Variants in TRRAP observed in about 807,000 individuals in gnomAD.
TRRAP encodes the protein transformation/transcription domain associated protein.
In TRRAP, 41 loss-of-function variants were observed where a neutral mutation model predicts 438.8. The observed-to-expected ratio is 0.09, with a 90% CI of 0.07 to 0.12. The LOEUF is 0.12. Among genes scored for constraint, TRRAP ranks in the 10% least tolerant of loss-of-function variants. The pLI, the probability that TRRAP is intolerant of heterozygous loss-of-function variation, is 1.00. For synonymous variants in TRRAP, 1,994 were observed against 1,962.9 expected, an observed-to-expected ratio of 1.02 and a Z score of -0.42; for missense variants, 3,122 against 5,055.1, an observed-to-expected ratio of 0.62 and a Z score of 11.60.
At chr7:98,918,992 A>G in intron 20 of TRRAP, among the ~76,000 whole-genome samples, 1 of 151,876 alleles carries the variant, frequency 6.6e-6, no homozygotes. Flanking sequence ...CTCAAAAAAA[A>G]AAAAAAAAGA....
chr7:98,974,215 G>A (rs941566148), intron 53 of TRRAP, among the ~76,000 whole-genome samples: 2 of 152,174 alleles, frequency 1.3e-5, no homozygotes, highest in African/African-American at 2.4e-5. Flanking sequence ...TTCATCTTCT[G>A]TGTATTTATG....
intron 45 of TRRAP, among the ~76,000 whole-genome samples, chr7:98,960,832 G>C (rs990671421): frequency 3.3e-5 from 5 of 151,786 alleles, no homozygotes; most frequent in African/African-American, 4.8e-5. Context: ...GACCAGGCCA[G>C]CCTCAAATTC....
chr7:98,943,064 G>T, intron 31 of TRRAP, 47 bp downstream of exon 31: 1 of 1,605,148 alleles, frequency 6.2e-7, no homozygotes, highest in Non-Finnish European at 8.5e-7. Flanking sequence ...CGCCATGCTG[G>T]GTCAGTGCTA....
chr7:98,930,873 A>G, intron 25 of TRRAP, 43 bp downstream of exon 25: 1 of 1,610,832 alleles, frequency 6.2e-7, no homozygotes, highest in Non-Finnish European at 8.5e-7. Context: ...CTGTTTTTGA[A>G]ATGGTGGTTT....
intron 13 of TRRAP, among the ~76,000 whole-genome samples, chr7:98,907,078 C>CT (rs1267523393): frequency 1.3e-5 from 2 of 150,846 alleles, no homozygotes; most frequent in African/African-American, 4.9e-5. Context: ...AATCCCAGCA[C>CT]TTTGGGAGGC....
chr7:98,895,926 A>G, intron 7 of TRRAP, 106 bp downstream of exon 7: 1 of 814,834 alleles, frequency 1.2e-6, no homozygotes, highest in Non-Finnish European at 1.8e-6. Context: ...GGGAGGGTTT[A>G]CTATTTTAGA....
intron 53 of TRRAP, among the ~76,000 whole-genome samples, chr7:98,973,059 A>G (rs1792489772): frequency 6.6e-6 from 1 of 152,108 alleles, no homozygotes; most frequent in Non-Finnish European, 1.5e-5. Context: ...GGCTCACAGC[A>G]ACCTCCATCT....
intron 21 of TRRAP, among the ~76,000 whole-genome samples, chr7:98,922,820 G>T (rs1789861261): frequency 1.3e-5 from 2 of 151,670 alleles, no homozygotes; most frequent in South Asian, 4.2e-4. Context: ...CCCTCCCTTT[G>T]CTCTGGCTAA....
intron 67 of TRRAP, chr7:98,999,732 G>T: frequency 1.4e-6 from 1 of 710,566 alleles, no homozygotes. Flanking sequence ...GAAAGCAAAT[G>T]GTATATTCAA....
chr7:98,944,899 G>T (rs1790974892), intron 31 of TRRAP, among the ~76,000 whole-genome samples: 1 of 152,098 alleles, frequency 6.6e-6, no homozygotes, highest in Non-Finnish European at 1.5e-5. Context: ...CCACCTCCTG[G>T]GTTCAAGCTA....
At chr7:98,881,061 A>G in intron 1 of TRRAP, 29 bp from the exon 2 acceptor site, 2 of 1,089,282 alleles carry the variant, frequency 1.8e-6, no homozygotes, top group Non-Finnish European at 2.6e-6. Flanking sequence ...CCCTCCATAA[A>G]TTGACTAACT....
rs1038665845 is a variant in TRRAP, at chr7:98,927,454, T to C, written c.3175+88T>C. 19 of 1,475,124 alleles carry C rather than the reference T, an allele frequency of 1.3e-5. No individual in the cohort carries two copies. The African/African-American group carries it at 2.4e-4, about 19-fold the overall frequency. The allele number at this position is 1,475,124 out of a possible 1,614,324, so 91.4% of individuals were successfully genotyped here. A position where few individuals can be genotyped will look rare whatever the true frequency, so the allele number is the denominator to read the frequency against. ...ACTTGCTCAGGACATTTTGTTGTTCTAGAAAAAGCTGAGTTTGGCTGATTG... is the reference window on the plus strand; with the variant it reads ...ACTTGCTCAGGACATTTTGTTGTTCCAGAAAAAGCTGAGTTTGGCTGATTG... On this transcript the variant is annotated intron_variant, in intron 23 of 72. Transcript: ENST00000456197.
intron 22 of TRRAP, 150 bp from the exon 23 acceptor site, chr7:98,927,017 C>G (rs555163072): frequency 1.0e-4 from 89 of 850,506 alleles, no homozygotes; most frequent in Admixed American, 8.6e-4. Flanking sequence ...AGACTCCATC[C>G]AGGTGTTGCT....
chr7:98,974,522 C>A (rs1253236220), intron 53 of TRRAP, among the ~76,000 whole-genome samples: 1 of 152,176 alleles, frequency 6.6e-6, no homozygotes, highest in Non-Finnish European at 1.5e-5. Flanking sequence ...GGGGTCCTCA[C>A]CCCTGCACCT....
At chr7:98,909,815 A>G (rs1796981242) in intron 14 of TRRAP, among the ~76,000 whole-genome samples, 2 of 152,132 alleles carry the variant, frequency 1.3e-5, no homozygotes, top group Admixed American at 6.5e-5. Context: ...ACGTGGCACA[A>G]AGGAGGTGCC....
Position 98,976,343 on chromosome 7 carries a change from G to A in TRRAP, c.7959+75G>A, listed in dbSNP as rs756601866. Reference sequence around the variant, plus strand: ...TGGTAAGTATTCATAAAAGAACACAGTCTCGAACAAGTTTCAGAAAATGAG... The same window carrying A: ...TGGTAAGTATTCATAAAAGAACACAATCTCGAACAAGTTTCAGAAAATGAG... On this transcript the variant is annotated intron_variant, in intron 54 of 72. Transcript: ENST00000456197. The surrounding 1 kb of genome is among the most constrained non-coding windows in gnomAD (Gnocchi z 4.6). 17 of 1,587,844 alleles carry A rather than the reference G, an allele frequency of 1.1e-5. No individual in the cohort carries two copies. The highest frequency in any genetic ancestry group is 1.4e-5 in the Non-Finnish European group (16 of 1,167,958).
chr7:98,932,138 C>T (rs1462983202), intron 26 of TRRAP, among the ~76,000 whole-genome samples: 1 of 151,492 alleles, frequency 6.6e-6, no homozygotes, highest in Non-Finnish European at 1.5e-5. Context: ...TATTTTGAGA[C>T]AGAGTCTCGC....
At chr7:98,962,486 A>T in intron 47 of TRRAP, 59 bp downstream of exon 47, 1 of 1,609,832 alleles carries the variant, frequency 6.2e-7, no homozygotes, top group Non-Finnish European at 8.5e-7. Context: ...TTCCCCGCTC[A>T]CTGGACGTGC....
In TRRAP at chr7:98,925,138, G is replaced by A; in HGVS notation, c.2850G>A (p.Leu950=). Reference sequence around the variant, plus strand: ...CCATTGAAACTGCTCTGGACTGCCTGAAAAGCGCCAACACTGAGCCCTACT... The same window carrying A: ...CCATTGAAACTGCTCTGGACTGCCTAAAAAGCGCCAACACTGAGCCCTACT... ...EKAIETALDC[L]KSANTEPYYR... is the part of the protein sequence containing the mutation. Residue 950 remains leucine (L), a synonymous_variant, in exon 22 of 73, where the codon CTG becomes CTA. Transcript: ENST00000456197. The A allele has an allele frequency of 6.2e-7, 1 of 1,614,136 alleles. No individual in the cohort carries two copies. Among genetic ancestry groups the A allele is most frequent in the Non-Finnish European group, 8.5e-7 (1 of 1,179,998 alleles).
Sources: gnomAD v4.1 joint callset for allele counts (sites outside exome capture counted in the v4.1 genomes callset) on GRCh38, gnomAD v4.1.1 for gene constraint, Gnocchi (gnomAD v3.1) non-coding constraint, MANE v1.5 for transcripts, NCBI Gene and HGNC (gene_info 2026-07-23, HGNC 2026-07-21) for gene names.